Variants in TBCK observed in about 807,000 individuals in gnomAD.
TBCK encodes the protein TBC1 domain containing kinase, also known as TBC domain-containing protein kinase-like protein.
A neutral mutation model predicts 113.4 loss-of-function variants in TBCK; 99 were observed. The ratio of observed to expected loss-of-function variants is 0.87; its 90% CI spans 0.74 to 1.03. The LOEUF is 1.03. Ranked by LOEUF, TBCK falls within the 50% of genes least tolerant of loss-of-function variation. The pLI is 0.00. For missense variants in TBCK, 1,045 were observed against 1,061.3 expected, an observed-to-expected ratio of 0.98 and a Z score of 0.21; for synonymous variants, 369 against 370.8, an observed-to-expected ratio of 1.00 and a Z score of 0.05.
chr4:106,215,058 A>T (rs920690010), intron 19 of TBCK, among the ~76,000 whole-genome samples: 27 of 150,822 alleles, frequency 1.8e-4, no homozygotes, highest in African/African-American at 6.1e-4. Context: ...GGGGGCCAAT[A>T]TTCAACATTC....
chr4:106,102,275 G>A (rs1329841224), intron 24 of TBCK, among the ~76,000 whole-genome samples: 5 of 152,192 alleles, frequency 3.3e-5, no homozygotes, highest in Non-Finnish European at 2.9e-5. Context: ...CCACATTGGG[G>A]TTTGGGTAGT....
chr4:106,148,880 C>T (rs1748144823), intron 23 of TBCK, among the ~76,000 whole-genome samples: 1 of 152,180 alleles, frequency 6.6e-6, no homozygotes, highest in South Asian at 2.1e-4. Context: ...TTCTCTCTAG[C>T]TATGAAAGCC....
intron 25 of TBCK, among the ~76,000 whole-genome samples, chr4:106,082,608 T>A (rs911626543): frequency 1.3e-5 from 2 of 149,698 alleles, no homozygotes; most frequent in African/African-American, 2.5e-5. Context: ...GAAAAAAAAA[T>A]AGAAAAAAAT....
chr4:106,082,642 T>TTA (rs2149493693), intron 25 of TBCK, among the ~76,000 whole-genome samples: 1 of 152,058 alleles, frequency 6.6e-6, no homozygotes, highest in East Asian at 1.9e-4. Context: ...ACTGGGTAAT[T>TTA]TATAAAGAAA....
chr4:106,085,880 A>C (rs1423417849), intron 25 of TBCK, among the ~76,000 whole-genome samples: 4 of 152,230 alleles, frequency 2.6e-5, no homozygotes. Flanking sequence ...TAAGGCAGAA[A>C]TCAAGTTCCT....
rs948769517 is a variant in TBCK, at chr4:106,060,933, G to A, written c.2572-14253C>T. Among the ~76,000 whole-genome samples the A allele has an allele frequency of 4.0e-5, 6 of 151,730 alleles. No individual in the cohort carries two copies. In the East Asian group the frequency reaches 9.7e-4, roughly 24 times the overall value. On this transcript the variant is annotated intron_variant, in intron 25 of 25. Coordinates refer to ENST00000394708, the MANE Select transcript of TBCK (RefSeq NM_001163435.3). ...AGTGGAGGTAGAAAGTGCAGATATGGTGGAAATAGTAAAAGAACTAGAATT... is the reference window on the plus strand; with the variant it reads ...AGTGGAGGTAGAAAGTGCAGATATGATGGAAATAGTAAAAGAACTAGAATT...
intron 22 of TBCK, among the ~76,000 whole-genome samples, chr4:106,193,195 A>T (rs529112386): frequency 2.0e-4 from 31 of 152,304 alleles, no homozygotes; most frequent in Non-Finnish European, 3.8e-4. Context: ...GTTAGCAAGC[A>T]GCTTTGGCTG....
At position 106,177,664 on chromosome 4, in the gene TBCK, T is replaced by C. The variant is rs181787713; in HGVS notation, c.2060-6394A>G. On this transcript the variant is annotated intron_variant, in intron 22 of 25. Transcript: ENST00000394708. ...GTAAATGTGTGAATTTATTTCTGAG[T>C]TATCTATTCCATTTCATTGGTCTAT... Among the ~76,000 whole-genome samples, 873 of 152,016 alleles carry C rather than the reference T, an allele frequency of 5.7e-3. 25 individuals carry two copies. The highest frequency in any genetic ancestry group is 0.051 in the Admixed American group (772 of 15,246).
chr4:106,290,835 T>C (rs1049480783), intron 3 of TBCK, among the ~76,000 whole-genome samples: 1 of 152,208 alleles, frequency 6.6e-6, no homozygotes, highest in Admixed American at 6.5e-5. Flanking sequence ...CTGATTCTCA[T>C]AGGAGCACGA....
At chr4:106,224,487 GT>G (rs1408963068) in intron 19 of TBCK, among the ~76,000 whole-genome samples, 3 of 152,084 alleles carry the variant, frequency 2.0e-5, no homozygotes, top group Non-Finnish European at 2.9e-5. Flanking sequence ...AAGTGTACAT[GT>G]GATATTTATG....
intron 4 of TBCK, among the ~76,000 whole-genome samples, chr4:106,261,180 C>T (rs1330979169): frequency 6.6e-6 from 1 of 152,018 alleles, no homozygotes; most frequent in African/African-American, 2.4e-5. Flanking sequence ...TATTTCCAAG[C>T]ATTATAAAAT....
chr4:106,112,544 C>T (rs1023556462), intron 24 of TBCK, among the ~76,000 whole-genome samples: 17 of 152,152 alleles, frequency 1.1e-4, no homozygotes, highest in African/African-American at 4.1e-4. Flanking sequence ...TTACTATTGG[C>T]CTTGGAAACT....
intron 23 of TBCK, among the ~76,000 whole-genome samples, chr4:106,127,478 A>G (rs970124495): frequency 2.0e-5 from 3 of 152,154 alleles, no homozygotes; most frequent in African/African-American, 7.2e-5. Context: ...CTCATTTTTA[A>G]TCATATTATG....
At chr4:106,212,223 G>C (rs2149888930) in intron 20 of TBCK, among the ~76,000 whole-genome samples, 1 of 152,114 alleles carries the variant, frequency 6.6e-6, no homozygotes, top group South Asian at 2.1e-4. Context: ...TTTGATATAT[G>C]TTTATTCAAC....
At chr4:106,112,948 A>G (rs1743032144) in intron 24 of TBCK, among the ~76,000 whole-genome samples, 4 of 152,138 alleles carry the variant, frequency 2.6e-5, no homozygotes, top group Admixed American at 2.6e-4. Flanking sequence ...CCCTCCTTAT[A>G]CAGGTGTTAA....
At chr4:106,167,691 A>G (rs1480882626) in intron 23 of TBCK, among the ~76,000 whole-genome samples, 1 of 151,690 alleles carries the variant, frequency 6.6e-6, no homozygotes, top group Non-Finnish European at 1.5e-5. Flanking sequence ...CTCAGTACAG[A>G]TCCCATAGAC....
intron 20 of TBCK, among the ~76,000 whole-genome samples, chr4:106,199,828 T>C (rs554956854): frequency 6.6e-5 from 10 of 152,200 alleles, no homozygotes; most frequent in Non-Finnish European, 1.3e-4. Context: ...ACATTATCTC[T>C]TGCCTAGACT....
chr4:106,203,637 T>C (rs1459679842), intron 20 of TBCK, among the ~76,000 whole-genome samples: 2 of 151,952 alleles, frequency 1.3e-5, no homozygotes, highest in East Asian at 1.9e-4. Context: ...ACAAAAGAAC[T>C]ATACACTGAA....
intron 3 of TBCK, among the ~76,000 whole-genome samples, chr4:106,281,210 C>T (rs1177579590): frequency 1.3e-5 from 2 of 151,484 alleles, no homozygotes; most frequent in East Asian, 3.9e-4. Flanking sequence ...TCTTTTTCAG[C>T]TTGTTTGCTG....
Sources: gnomAD v4.1 joint callset for allele counts (sites outside exome capture counted in the v4.1 genomes callset) on GRCh38, gnomAD v4.1.1 for gene constraint, MANE v1.5 for transcripts, NCBI Gene and HGNC (gene_info 2026-07-23, HGNC 2026-07-21) for gene names.